TIMD4: variants seen among roughly 807,000 people sequenced by gnomAD.
TIMD4 encodes the protein T-cell immunoglobulin and mucin domain-containing protein 4.
In TIMD4, 31 loss-of-function variants were observed where a neutral mutation model predicts 41.2. The observed-to-expected ratio is 0.75, with a 90% CI of 0.57 to 1.01. The LOEUF (loss-of-function observed/expected upper bound fraction) is 1.01, where lower values mean the gene tolerates loss of function less well. TIMD4 is among the 50% of genes least tolerant of loss of function. The pLI is 0.00. For missense variants in TIMD4, 479 were observed against 472.5 expected (o/e 1.01, Z -0.13); for synonymous variants, 204 against 177.1 (o/e 1.15, Z -1.21).
At chr5:156,949,966 C>T (rs559240685) in intron 3 of TIMD4, among the ~76,000 whole-genome samples, 2 of 152,174 alleles carry the variant, frequency 1.3e-5, no homozygotes, top group Admixed American at 6.5e-5. Flanking sequence ...TACAGGTACC[C>T]GCCACCATGC....
intron 5 of TIMD4, among the ~76,000 whole-genome samples, chr5:156,935,894 C>T (rs551217441): frequency 4.6e-5 from 7 of 152,186 alleles, no homozygotes; most frequent in Non-Finnish European, 7.3e-5. Context: ...CTGGACTCTC[C>T]TCTGGAGGGC....
intron 5 of TIMD4, among the ~76,000 whole-genome samples, chr5:156,930,322 A>G (rs1759423968): frequency 6.6e-6 from 1 of 152,210 alleles, no homozygotes; most frequent in Non-Finnish European, 1.5e-5. Context: ...CCATATTGCC[A>G]GTGAAAAAAA....
intron 5 of TIMD4, among the ~76,000 whole-genome samples, chr5:156,936,258 TTAAC>T (rs1759537933): frequency 6.6e-6 from 1 of 151,920 alleles, no homozygotes; most frequent in Non-Finnish European, 1.5e-5. Context: ...AATAAATAAA[TTAAC>T]TAATCTTGAT....
At chr5:156,933,905 A>C (rs893725044) in intron 5 of TIMD4, among the ~76,000 whole-genome samples, 1 of 152,128 alleles carries the variant, frequency 6.6e-6, no homozygotes, top group African/African-American at 2.4e-5. Flanking sequence ...CTATTGGTCT[A>C]CTGGTGCAAA....
chr5:156,954,385 C>T, intron 2 of TIMD4, 30 bp downstream of exon 2: 1 of 1,589,644 alleles, frequency 6.3e-7, no homozygotes, highest in Non-Finnish European at 8.6e-7. Flanking sequence ...ATCTCTCCTT[C>T]CGCAGGCATG....
At chr5:156,944,750 C>A (rs2038110200) in intron 5 of TIMD4, among the ~76,000 whole-genome samples, 1 of 151,986 alleles carries the variant, frequency 6.6e-6, no homozygotes, top group African/African-American at 2.4e-5. Flanking sequence ...CGTGATCCGC[C>A]CACCTCGGCC....
At chr5:156,928,391 G>A (rs112041463) in intron 5 of TIMD4, among the ~76,000 whole-genome samples, 1 of 152,154 alleles carries the variant, frequency 6.6e-6, no homozygotes, top group South Asian at 2.1e-4. Flanking sequence ...GGCAGAGGAG[G>A]TGGAGGAGAG....
At chr5:156,922,058 A>G (rs757735627) in intron 7 of TIMD4, 41 bp downstream of exon 7, 7 of 1,509,574 alleles carry the variant, frequency 4.6e-6, no homozygotes, top group Non-Finnish European at 6.4e-6. Context: ...TGCAGTCGCC[A>G]GGGTTCTGAA....
intron 1 of TIMD4, 68 bp downstream of exon 1, chr5:156,963,073 C>T (rs1753103163): frequency 7.3e-6 from 11 of 1,505,176 alleles, no homozygotes; most frequent in Non-Finnish European, 1.0e-5. Context: ...CAAACCAGTG[C>T]ATGGAAATCC....
chr5:156,922,154 G>C lies in TIMD4; in HGVS notation c.957C>G (p.Ile319Met). ...EMPISQLLMI[I>M]APSLGFVLFA... ...AGAGCACAAATCCCAAGGAGGGGGCGATGATCATCAGTAGTTGGGAGATGG... is the reference window on the plus strand; with the variant it reads ...AGAGCACAAATCCCAAGGAGGGGGCCATGATCATCAGTAGTTGGGAGATGG... The change falls in exon 7 of 9, where the codon ATC (isoleucine) becomes ATG (methionine). Residue 319 changes from isoleucine (I) to methionine (M), a missense_variant. Ile to Met is a conservative substitution (Grantham distance 10). Transcript: ENST00000274532. The C allele has an allele frequency of 6.2e-7, 1 of 1,614,022 alleles. No individual in the cohort carries two copies. Among genetic ancestry groups the C allele is most frequent in the Non-Finnish European group, 8.5e-7 (1 of 1,179,966 alleles).
chr5:156,927,088 G>C (rs1759361343), intron 5 of TIMD4, among the ~76,000 whole-genome samples: 1 of 152,246 alleles, frequency 6.6e-6, no homozygotes, highest in African/African-American at 2.4e-5. Context: ...GCCAAAGGTA[G>C]TGATGGAGCA....
At chr5:156,951,487 A>C in intron 3 of TIMD4, 25 bp downstream of exon 3, 1 of 1,612,990 alleles carries the variant, frequency 6.2e-7, no homozygotes, top group Non-Finnish European at 8.5e-7. Flanking sequence ...CACTGTTCTA[A>C]GAAACCCAAG....
intron 6 of TIMD4, among the ~76,000 whole-genome samples, chr5:156,925,494 G>C (rs1484522194): frequency 6.6e-6 from 1 of 152,188 alleles, no homozygotes; most frequent in East Asian, 1.9e-4. Context: ...GAGAGAGATG[G>C]GGAAGAAGAA....
chr5:156,935,653 A>G (rs1759525621), intron 5 of TIMD4: 2 of 152,184 alleles, frequency 1.3e-5, no homozygotes, highest in Non-Finnish European at 2.9e-5. Flanking sequence ...GGTAGATAGA[A>G]GGAAACCAGG....
chr5:156,957,139 A>G (rs1295701418), intron 1 of TIMD4, among the ~76,000 whole-genome samples: 1 of 151,790 alleles, frequency 6.6e-6, no homozygotes, highest in African/African-American at 2.4e-5. Flanking sequence ...ATAAAAGATG[A>G]TTCCCAATTT....
At chr5:156,920,408 T>C (rs1387979893) in intron 8 of TIMD4, 56 bp downstream of exon 8, 1 of 1,576,262 alleles carries the variant, frequency 6.3e-7, no homozygotes, top group Non-Finnish European at 8.7e-7. Flanking sequence ...TAGTAGCTAA[T>C]CATTTGTAAC....
At chr5:156,959,619 G>A (rs1256761155) in intron 1 of TIMD4, among the ~76,000 whole-genome samples, 1 of 152,128 alleles carries the variant, frequency 6.6e-6, no homozygotes, top group Non-Finnish European at 1.5e-5. Flanking sequence ...AAGCAAGGCT[G>A]GCCCTTCCCC....
At chr5:156,950,106 C>A (rs184077460) in intron 3 of TIMD4, among the ~76,000 whole-genome samples, 1 of 115,232 alleles carries the variant, frequency 8.7e-6, no homozygotes, top group East Asian at 3.2e-4. Flanking sequence ...GCATGAGCCA[C>A]CACACCTGGC....
At chr5:156,948,829 C>T (rs1368980451) in intron 4 of TIMD4, among the ~76,000 whole-genome samples, 1 of 152,218 alleles carries the variant, frequency 6.6e-6, no homozygotes, top group Non-Finnish European at 1.5e-5. Context: ...ACATAAATCA[C>T]TCTATCATAC....
Sources: gnomAD v4.1 joint callset for allele counts (sites outside exome capture counted in the v4.1 genomes callset) on GRCh38, gnomAD v4.1.1 for gene constraint, MANE v1.5 for transcripts, NCBI Gene and HGNC (gene_info 2026-07-23, HGNC 2026-07-21) for gene names.